Variants in PTPRG observed in about 807,000 individuals in gnomAD.
The protein encoded by PTPRG is protein tyrosine phosphatase receptor type G.
PTPRG carries 102 observed loss-of-function variants against 165.3 expected under a neutral mutation model. The observed-to-expected ratio is 0.62, with a 90% CI of 0.53 to 0.73. The LOEUF is 0.73. PTPRG is among the 30% of genes least tolerant of loss of function. The pLI is 0.00. For missense variants in PTPRG, 1,866 were observed against 1,861.4 expected, an observed-to-expected ratio of 1.00 and a Z score of -0.05; for synonymous variants, 675 against 669.5, an observed-to-expected ratio of 1.01 and a Z score of -0.13.
At chr3:61,743,116 C>G in intron 1 of PTPRG, 1 of 1,390,680 alleles carries the variant, frequency 7.2e-7, no homozygotes, top group South Asian at 1.2e-5. Flanking sequence ...TGGCTTCTCA[C>G]GCCGCGCTAA....
chr3:61,660,755 A>C (rs571203557), intron 1 of PTPRG, among the ~76,000 whole-genome samples: 30 of 152,280 alleles, frequency 2.0e-4, no homozygotes, highest in Admixed American at 6.5e-4. Context: ...TAATCCCAGC[A>C]CTTTGGGAGA....
At chr3:61,763,345 C>G (rs747899273) in intron 2 of PTPRG, among the ~76,000 whole-genome samples, 7 of 152,000 alleles carry the variant, frequency 4.6e-5, no homozygotes, top group Non-Finnish European at 4.4e-5. Flanking sequence ...TCAAGTGTCT[C>G]TCCTGCCTCA....
chr3:61,999,074 T>C lies in PTPRG; in HGVS notation c.371-4275T>C, dbSNP rs549025739. 2.6e-5 allele frequency among the ~76,000 whole-genome samples: 4 copies of C among 152,052 alleles called. No individual in the cohort carries two copies. In the East Asian group the frequency reaches 7.8e-4, roughly 30 times the overall value. The stretch of plus-strand genomic sequence containing the variant: ...TTTTTTTCTTTTTTTTTGGATGATA[T>C]CTCATTCTGTCACCTAGGCTGGAGT... On this transcript the variant is annotated intron_variant, in intron 3 of 29. Transcript: ENST00000474889.
At position 62,168,144 on chromosome 3, in the gene PTPRG, G is replaced by T; in HGVS notation, c.1014G>T (p.Leu338=). 1.9e-6 allele frequency: 3 copies of T among 1,613,906 alleles called. No homozygotes were observed. Among genetic ancestry groups the T allele is most frequent in the Middle Eastern group, 1.7e-4 (1 of 6,056 alleles). The change falls in exon 8 of 30, where the codon CTG becomes CTT. Residue 338 remains leucine (L), a synonymous_variant. Coordinates refer to ENST00000474889, the MANE Select transcript of PTPRG (RefSeq NM_002841.4). ...HDMTDFLENP[L]GTEASKVCSS... ...TGACAGACTTCTTAGAAAACCCACT[G>T]GGGACAGAAGCCTCTAAAGGTATAT...
chr3:61,801,870 A>G (rs1185127912), intron 2 of PTPRG, among the ~76,000 whole-genome samples: 1 of 151,960 alleles, frequency 6.6e-6, no homozygotes, highest in African/African-American at 2.4e-5. Flanking sequence ...ATACACACAC[A>G]CAAAATTAGC....
intron 28 of PTPRG, among the ~76,000 whole-genome samples, chr3:62,286,254 C>T (rs572384121): frequency 1.7e-4 from 26 of 152,230 alleles, no homozygotes; most frequent in South Asian, 4.1e-4. Flanking sequence ...CCAGTATTTT[C>T]GCTTTTATTG....
At chr3:62,066,700 G>A (rs1300306883) in intron 4 of PTPRG, among the ~76,000 whole-genome samples, 2 of 152,166 alleles carry the variant, frequency 1.3e-5, no homozygotes, top group Non-Finnish European at 2.9e-5. Context: ...AGCCATTGCA[G>A]TCACCTCAAG....
chr3:61,974,280 T>C (rs13321709), intron 2 of PTPRG, among the ~76,000 whole-genome samples: 66,612 of 151,934 alleles, frequency 0.44, 15,221 homozygotes, highest in African/African-American at 0.59. Context: ...AACGTTTATG[T>C]CATTAATCTT....
intron 2 of PTPRG, among the ~76,000 whole-genome samples, chr3:61,945,620 A>G (rs1426765296): frequency 6.6e-6 from 1 of 151,590 alleles, no homozygotes; most frequent in Non-Finnish European, 1.5e-5. Flanking sequence ...GTGAGCTGGA[A>G]GATTGAGTGA....
At chr3:62,145,856 C>G (rs902216043) in intron 6 of PTPRG, among the ~76,000 whole-genome samples, 14 of 152,144 alleles carry the variant, frequency 9.2e-5, no homozygotes, top group Non-Finnish European at 1.5e-5. Flanking sequence ...TGATTTGAAC[C>G]CAGTTGTATT....
chr3:61,685,772 A>G (rs1238245572), intron 1 of PTPRG, among the ~76,000 whole-genome samples: 1 of 152,180 alleles, frequency 6.6e-6, no homozygotes, highest in Non-Finnish European at 1.5e-5. Flanking sequence ...CCTACACAGC[A>G]TTTTATCATC....
At chr3:62,066,995 G>C (rs910371116) in intron 4 of PTPRG, among the ~76,000 whole-genome samples, 1 of 140,346 alleles carries the variant, frequency 7.1e-6, no homozygotes, top group Non-Finnish European at 1.5e-5. Flanking sequence ...CCGAGATCAC[G>C]CCACTGCACT....
intron 5 of PTPRG, among the ~76,000 whole-genome samples, chr3:62,082,192 A>AT (rs1041545321): frequency 5.3e-5 from 8 of 151,624 alleles, no homozygotes; most frequent in East Asian, 1.9e-4. Context: ...TACTAGAATA[A>AT]TTTTTTTTTA....
intron 7 of PTPRG, among the ~76,000 whole-genome samples, chr3:62,160,090 G>T (rs1286496391): frequency 6.6e-6 from 1 of 152,262 alleles, no homozygotes; most frequent in Non-Finnish European, 1.5e-5. Flanking sequence ...CTAGTCTCTC[G>T]TTCTTCTACT....
At chr3:61,972,707 C>A (rs2040412366) in intron 2 of PTPRG, among the ~76,000 whole-genome samples, 1 of 148,322 alleles carries the variant, frequency 6.7e-6, no homozygotes, top group Non-Finnish European at 1.5e-5. Flanking sequence ...GGGTGGGGTA[C>A]AGTCGCAGAA....
chr3:62,004,097 A>G (rs904149121), intron 4 of PTPRG, among the ~76,000 whole-genome samples: 1 of 152,190 alleles, frequency 6.6e-6, no homozygotes, highest in African/African-American at 2.4e-5. Context: ...GTATCTGCTT[A>G]GAGCCAGGGT....
chr3:61,824,373 A>G (rs2036045571), intron 2 of PTPRG, among the ~76,000 whole-genome samples: 1 of 152,202 alleles, frequency 6.6e-6, no homozygotes, highest in African/African-American at 2.4e-5. Flanking sequence ...TTCCTTCACA[A>G]ACCCCACACA....
intron 2 of PTPRG, among the ~76,000 whole-genome samples, chr3:61,810,537 G>C (rs2035544147): frequency 2.0e-5 from 3 of 152,128 alleles, no homozygotes. Context: ...CTCTTTATCT[G>C]CTCCATAGGC....
In PTPRG at chr3:61,738,282, A is replaced by G. The variant is rs1305713669; in HGVS notation, c.86-10596A>G. ...TTTATATATATATATATATATACAT[A>G]TATATATATATATATATATATATAT... On this transcript the variant is annotated intron_variant, in intron 1 of 29. Transcript: ENST00000474889. Among the ~76,000 whole-genome samples the G allele has an allele frequency of 7.4e-4, 11 of 14,944 alleles. 1 individual carries two copies. Among genetic ancestry groups the G allele is most frequent in the Non-Finnish European group, 1.1e-3 (4 of 3,514 alleles). 9.8% of individuals were successfully genotyped at this position (14,944 alleles called of 152,430 possible).
Sources: allele counts gnomAD v4.1 joint callset (sites outside exome capture counted in the v4.1 genomes callset), GRCh38; gene constraint gnomAD v4.1.1; transcripts MANE v1.5; gene names NCBI Gene and HGNC (gene_info 2026-07-23, HGNC 2026-07-21).